The following ZDHHC13 variants were observed in gnomAD, a reference collection of about 807,000 sequenced individuals.
ZDHHC13 encodes palmitoyltransferase ZDHHC13.
A neutral mutation model predicts 86.0 loss-of-function variants in ZDHHC13; 85 were observed. The observed-to-expected ratio is 0.99, with a 90% CI of 0.83 to 1.18. The LOEUF (loss-of-function observed/expected upper bound fraction) is 1.18, where lower values mean the gene tolerates loss of function less well. Ranked by LOEUF, ZDHHC13 falls within the 50% of genes most tolerant of loss-of-function variation. The probability of loss-of-function intolerance (pLI) is 0.00; values close to 1 mark genes in which losing one functional copy is unlikely to be tolerated. For missense variants in ZDHHC13, 711 were observed against 730.2 expected (o/e 0.97, Z 0.30); for synonymous variants, 263 against 246.4 (o/e 1.07, Z -0.63).
chr11:19,158,347 A>C (rs1177358475), intron 9 of ZDHHC13, among the ~76,000 whole-genome samples: 1 of 152,094 alleles, frequency 6.6e-6, no homozygotes, highest in Non-Finnish European at 1.5e-5. Context: ...TTACATGTGA[A>C]CCTCAAATCG....
chr11:19,124,238 T>G (rs1848820864), intron 1 of ZDHHC13, among the ~76,000 whole-genome samples: 1 of 152,134 alleles, frequency 6.6e-6, no homozygotes. Flanking sequence ...AGTTGAAGAA[T>G]AATGTATATA....
chr11:19,170,118 A>T, intron 14 of ZDHHC13: 3 of 1,198,442 alleles, frequency 2.5e-6, no homozygotes, highest in Non-Finnish European at 1.0e-6. Flanking sequence ...TCAGGCTAGT[A>T]TATCTTATGC....
chr11:19,163,797 G>T (rs934122903), intron 11 of ZDHHC13, among the ~76,000 whole-genome samples: 8 of 152,064 alleles, frequency 5.3e-5, no homozygotes, highest in Non-Finnish European at 1.2e-4. Flanking sequence ...ATTGGCTGAG[G>T]AGATGCCCCT....
intron 8 of ZDHHC13, among the ~76,000 whole-genome samples, chr11:19,155,274 A>G (rs1849724260): frequency 6.6e-6 from 1 of 152,210 alleles, no homozygotes; most frequent in South Asian, 2.1e-4. Flanking sequence ...GAAGAAAACA[A>G]AACAAAATAT....
chr11:19,137,336 G>A (rs1205524393), intron 1 of ZDHHC13, among the ~76,000 whole-genome samples: 1 of 152,098 alleles, frequency 6.6e-6, no homozygotes, highest in Non-Finnish European at 1.5e-5. Context: ...TTACATAATG[G>A]TAAAGGGATC....
At chr11:19,134,905 G>A (rs1051966465) in intron 1 of ZDHHC13, among the ~76,000 whole-genome samples, 1 of 152,084 alleles carries the variant, frequency 6.6e-6, no homozygotes, top group Non-Finnish European at 1.5e-5. Context: ...GGTGGCATGC[G>A]CCGGTAGTCT....
At chr11:19,164,445 C>T in intron 12 of ZDHHC13, 82 bp downstream of exon 12, 1 of 1,332,454 alleles carries the variant, frequency 7.5e-7, no homozygotes, top group Non-Finnish European at 1.1e-6. Context: ...GTCAGATCTT[C>T]ATGGTATATT....
chr11:19,142,841 T>C, intron 1 of ZDHHC13, 137 bp from the exon 2 acceptor site: 1 of 945,174 alleles, frequency 1.1e-6, no homozygotes, highest in Non-Finnish European at 1.5e-6. Context: ...TTCAAGTCAT[T>C]CTCAGGATAC....
intron 1 of ZDHHC13, among the ~76,000 whole-genome samples, chr11:19,130,446 C>A (rs1251893308): frequency 1.3e-5 from 2 of 151,972 alleles, no homozygotes; most frequent in East Asian, 3.9e-4. Context: ...TTTCATTTTT[C>A]TTGATCAAAC....
At position 19,117,366 on chromosome 11, in the gene ZDHHC13, A is replaced by T. The variant is rs1848667314; in HGVS notation, c.27+90A>T. The T allele has an allele frequency of 1.5e-6, 2 of 1,300,956 alleles. No homozygotes were observed. Among genetic ancestry groups the T allele is most frequent in the Admixed American group, 3.4e-5 (1 of 29,824 alleles). 80.6% of individuals were successfully genotyped at this position (1,300,956 alleles called of 1,614,324 possible). On this transcript the variant is annotated intron_variant, in intron 1 of 16. Transcript: ENST00000446113. The surrounding 1 kb of genome is among the most constrained non-coding windows in gnomAD (Gnocchi z 4.2). ...GATGGTGTGGGTGAGAGGCCGCTCG[A>T]TGAGGGGGTTTCGGGAGCGGCGGGG...
chr11:19,149,071 T>C (rs1356704653), intron 4 of ZDHHC13, 116 bp from the exon 5 acceptor site: 55 of 964,086 alleles, frequency 5.7e-5, no homozygotes, highest in Non-Finnish European at 7.0e-5. Context: ...ATCTTACTGT[T>C]AGGAAATATT....
At chr11:19,140,226 A>T (rs372410594) in intron 1 of ZDHHC13, among the ~76,000 whole-genome samples, 2,565 of 150,370 alleles carry the variant, frequency 0.017, 88 homozygotes, top group East Asian at 0.086. Context: ...CAAGAAAAAA[A>T]CAAACAACCC....
At chr11:19,174,681 G>A (rs1056230836) in intron 16 of ZDHHC13, among the ~76,000 whole-genome samples, 1 of 152,234 alleles carries the variant, frequency 6.6e-6, no homozygotes, top group Non-Finnish European at 1.5e-5. Flanking sequence ...AAAAAATGAT[G>A]CCTAAGACAG....
chr11:19,123,159 C>T (rs892844728), intron 1 of ZDHHC13, among the ~76,000 whole-genome samples: 5 of 152,188 alleles, frequency 3.3e-5, no homozygotes, highest in South Asian at 2.1e-4. Context: ...AATTAATTGC[C>T]GACTAAACAA....
intron 1 of ZDHHC13, among the ~76,000 whole-genome samples, chr11:19,137,737 A>G (rs1351472998): frequency 6.6e-6 from 1 of 152,264 alleles, no homozygotes; most frequent in African/African-American, 2.4e-5. Flanking sequence ...CAATCAAACT[A>G]GAACTCAGGA....
Position 19,155,808 on chromosome 11 carries a change from C to T in ZDHHC13, c.886C>T (p.Leu296=), listed in dbSNP as rs1449457235. The change falls in exon 9 of 17, where the codon CTG becomes TTG. Residue 296 remains leucine, a synonymous_variant. Coordinates refer to ENST00000446113, the MANE Select transcript of ZDHHC13 (RefSeq NM_019028.3). The part of the protein sequence containing the change: ...WLQKCELFLL[L]MLSVITMWAI... ...AATCTCTTAATAGCTCTTCCTGCTG[C>T]TGATGCTTTCTGTGATTACCATGTG... The T allele has an allele frequency of 1.2e-6, 2 of 1,611,376 alleles. No homozygotes were observed. The highest frequency in any genetic ancestry group is 2.7e-5 in the African/African-American group (2 of 74,800).
At chr11:19,150,324 A>G (rs1849574469) in intron 5 of ZDHHC13, among the ~76,000 whole-genome samples, 1 of 152,136 alleles carries the variant, frequency 6.6e-6, no homozygotes, top group Non-Finnish European at 1.5e-5. Flanking sequence ...GGAGTTCACT[A>G]TTTACTGGAA....
intron 4 of ZDHHC13, chr11:19,148,818 TA>T (rs1849535682): frequency 6.4e-6 from 1 of 156,634 alleles, no homozygotes; most frequent in Non-Finnish European, 1.4e-5. Context: ...TACAAAAAAT[TA>T]GGTGGGCATG....
At chr11:19,142,160 C>T (rs1849339690) in intron 1 of ZDHHC13, among the ~76,000 whole-genome samples, 1 of 152,106 alleles carries the variant, frequency 6.6e-6, no homozygotes. Flanking sequence ...CTTTCTAGTT[C>T]ATTTGGTTAT....
Sources: allele counts gnomAD v4.1 joint callset (sites outside exome capture counted in the v4.1 genomes callset), GRCh38; gene constraint gnomAD v4.1.1; non-coding constraint Gnocchi (gnomAD v3.1); transcripts MANE v1.5; gene names NCBI Gene and HGNC (gene_info 2026-07-23, HGNC 2026-07-21).